IQANK1: variants seen among roughly 807,000 people sequenced by gnomAD.
IQANK1 encodes the protein IQ motif and ankyrin repeat containing 1.
In IQANK1, 30 loss-of-function variants were observed where a neutral mutation model predicts 22.6. That is an observed-to-expected ratio of 1.33 (90% CI 0.99 to 1.80). IQANK1 has a LOEUF of 1.80. IQANK1 is among the 40% of genes most tolerant of loss of function. IQANK1 has a pLI of 0.00. For missense variants in IQANK1, 275 were observed against 235.2 expected (o/e 1.17, Z -1.11); for synonymous variants, 122 against 99.6 (o/e 1.23, Z -1.34).
At chr8:143,751,948 C>T (rs1174407348) in intron 3 of IQANK1, among the ~76,000 whole-genome samples, 2 of 150,486 alleles carry the variant, frequency 1.3e-5, no homozygotes, top group East Asian at 2.0e-4. Flanking sequence ...TTTCTTTTAG[C>T]ACTTTATTTA....
In IQANK1 at chr8:143,774,928, G is replaced by A. The variant is rs1035254171; in HGVS notation, c.789+2446G>A. Among the ~76,000 whole-genome samples, 14 of 152,146 alleles carry A rather than the reference G, an allele frequency of 9.2e-5. No individual in the cohort carries two copies. The highest frequency in any genetic ancestry group is 1.9e-4 in the Non-Finnish European group (13 of 68,026). The stretch of plus-strand genomic sequence containing the variant: ...ACACACACTCACATGACAACACTGT[G>A]GAGACGGAGGACAGATCGGAGGGCT... On this transcript the variant is annotated intron_variant, in intron 7 of 13. Transcript: ENST00000527139. The surrounding 1 kb of genome is among the most constrained non-coding windows in gnomAD (Gnocchi z 4.2).
intron 7 of IQANK1, among the ~76,000 whole-genome samples, chr8:143,780,514 C>T (rs916055824): frequency 1.3e-5 from 2 of 152,034 alleles, no homozygotes; most frequent in Admixed American, 1.3e-4. Flanking sequence ...TCTGTTGTTT[C>T]CTTCTTTGTG....
chr8:143,767,298 C>T (rs529709212), intron 3 of IQANK1, among the ~76,000 whole-genome samples: 1 of 152,084 alleles, frequency 6.6e-6, no homozygotes, highest in African/African-American at 2.4e-5. Context: ...GTATATCTCT[C>T]CTTTTGTTTT....
At chr8:143,779,367 G>T (rs144100519) in intron 7 of IQANK1, among the ~76,000 whole-genome samples, 2 of 152,148 alleles carry the variant, frequency 1.3e-5, no homozygotes, top group Admixed American at 1.3e-4. Context: ...GGTTGACCAC[G>T]ATAGGCACTG....
intron 7 of IQANK1, among the ~76,000 whole-genome samples, chr8:143,775,160 G>T (rs1176191323): frequency 2.0e-5 from 3 of 151,782 alleles, no homozygotes; most frequent in Admixed American, 2.0e-4. Context: ...TCCACTGTGA[G>T]CCCTGTAGAT....
At chr8:143,741,713 G>A (rs1295918668) in intron 3 of IQANK1, 1 of 152,758 alleles carries the variant, frequency 6.5e-6, no homozygotes, top group Non-Finnish European at 1.5e-5. Flanking sequence ...TGCCTTCGGA[G>A]GAGTCCATGC....
intron 7 of IQANK1, among the ~76,000 whole-genome samples, chr8:143,777,155 T>C (rs1563778862): frequency 6.7e-6 from 1 of 150,162 alleles, no homozygotes; most frequent in Non-Finnish European, 1.5e-5. Context: ...CACACACATA[T>C]ATATTATCGT....
At chr8:143,775,722 A>G (rs1010630368) in intron 7 of IQANK1, among the ~76,000 whole-genome samples, 1 of 151,312 alleles carries the variant, frequency 6.6e-6, no homozygotes. Flanking sequence ...AGATCGCGCC[A>G]CTGGGCTTCA....
intron 3 of IQANK1, among the ~76,000 whole-genome samples, chr8:143,763,691 TC>T (rs2129882911): frequency 6.6e-6 from 1 of 152,302 alleles, no homozygotes; most frequent in South Asian, 2.1e-4. Flanking sequence ...TCCTGAGGCC[TC>T]CCCAGAAGCA....
At position 143,771,986 on chromosome 8, in the gene IQANK1, G is replaced by T. The variant is rs1390174836; in HGVS notation, c.471+21G>T. 4.3e-5 allele frequency: 6 copies of T among 139,512 alleles called. No individual in the cohort carries two copies. The highest frequency in any genetic ancestry group is 9.1e-5 in the Non-Finnish European group (6 of 66,036). The allele number at this position is 139,512 out of a possible 1,614,324, so 8.6% of individuals were successfully genotyped here. ...AGGAGGTCAGCGGGGGCGGGAGGAGGACGAGGGCGGGGGGTGGGGTGGGAG... is the reference window on the plus strand; with the variant it reads ...AGGAGGTCAGCGGGGGCGGGAGGAGTACGAGGGCGGGGGGTGGGGTGGGAG... On this transcript the variant is annotated intron_variant, in intron 5 of 13. Transcript: ENST00000527139. This position sits in a 1 kb window ranked among gnomAD's most constrained non-coding sequence, Gnocchi z 6.0.
At chr8:143,734,278 G>C (rs2129723153) in intron 1 of IQANK1, 59 bp downstream of exon 1, 1 of 152,136 alleles carries the variant, frequency 6.6e-6, no homozygotes, top group South Asian at 2.1e-4. Flanking sequence ...AGCCCCGAGA[G>C]CACAGGGGAT....
At chr8:143,780,824 T>G (rs1256595754) in intron 7 of IQANK1, among the ~76,000 whole-genome samples, 1 of 152,200 alleles carries the variant, frequency 6.6e-6, no homozygotes, top group African/African-American at 2.4e-5. Flanking sequence ...TGCTTTATAT[T>G]CCTCTGGGTA....
chr8:143,781,370 G>A (rs1819795571), intron 7 of IQANK1, among the ~76,000 whole-genome samples: 1 of 152,076 alleles, frequency 6.6e-6, no homozygotes. Flanking sequence ...GATTGCTTTT[G>A]GTGTCTTTGT....
intron 7 of IQANK1, among the ~76,000 whole-genome samples, chr8:143,772,857 T>G (rs1281580430): frequency 6.6e-6 from 1 of 152,198 alleles, no homozygotes; most frequent in Non-Finnish European, 1.5e-5. Flanking sequence ...AGGCTGGCGA[T>G]TCCAGGGTTG....
intron 7 of IQANK1, among the ~76,000 whole-genome samples, chr8:143,787,302 G>C (rs1563782055): frequency 6.6e-6 from 1 of 152,192 alleles, no homozygotes; most frequent in Non-Finnish European, 1.5e-5. Flanking sequence ...GAAGCAGATA[G>C]CACAGGGCAG....
intron 7 of IQANK1, among the ~76,000 whole-genome samples, chr8:143,784,272 A>G (rs1397092379): frequency 6.6e-6 from 1 of 152,084 alleles, no homozygotes. Context: ...TGATTTCCCC[A>G]TGGTCTTCTC....
At chr8:143,739,712 C>G in intron 2 of IQANK1, 147 bp from the exon 3 acceptor site, 1 of 572,530 alleles carries the variant, frequency 1.7e-6, no homozygotes. Flanking sequence ...TAAGGTTGTC[C>G]GTGTGCTTCC....
At chr8:143,742,703 A>G (rs1563768272) in intron 3 of IQANK1, 1 of 455,930 alleles carries the variant, frequency 2.2e-6, no homozygotes, top group South Asian at 1.5e-5. Context: ...GAAGCTCCAA[A>G]GGGGGGCCTG....
At chr8:143,736,769 A>T (rs889054500) in intron 2 of IQANK1, among the ~76,000 whole-genome samples, 7 of 152,076 alleles carry the variant, frequency 4.6e-5, no homozygotes, top group Admixed American at 1.3e-4. Flanking sequence ...TGGGTCAGGA[A>T]GGAGACTTCC....
Sources: allele counts gnomAD v4.1 joint callset (sites outside exome capture counted in the v4.1 genomes callset), GRCh38; gene constraint gnomAD v4.1.1; non-coding constraint Gnocchi (gnomAD v3.1); transcripts MANE v1.5; gene names NCBI Gene and HGNC (gene_info 2026-07-23, HGNC 2026-07-21).